Variants in LUC7L3 observed in about 807,000 individuals in gnomAD.
The protein encoded by LUC7L3 is luc7-like protein 3.
A neutral mutation model predicts 66.8 loss-of-function variants in LUC7L3; 6 were observed. That is an observed-to-expected ratio of 0.09 (90% CI 0.05 to 0.18). The LOEUF is 0.18. Among genes scored for constraint, LUC7L3 ranks in the 10% least tolerant of loss-of-function variants. The pLI is 1.00. For synonymous variants in LUC7L3, 160 were observed against 174.7 expected (o/e 0.92, Z 0.66); for missense variants, 341 against 531.1 (o/e 0.64, Z 3.52).
chr17:50,740,234 ACT>A (rs894371695), intron 2 of LUC7L3, 70 bp from the exon 3 acceptor site: 218 of 1,149,262 alleles, frequency 1.9e-4, no homozygotes, highest in Admixed American at 1.4e-3. Flanking sequence ...AAGAAAAATA[ACT>A]CTTTTTTTTT....
intron 1 of LUC7L3, among the ~76,000 whole-genome samples, chr17:50,731,814 C>T (rs1969620988): frequency 6.6e-6 from 1 of 152,114 alleles, no homozygotes. Flanking sequence ...CTGGTTAGCC[C>T]ACAGACAGGC....
chr17:50,721,762 G>T (rs1217974474), intron 1 of LUC7L3, among the ~76,000 whole-genome samples: 1 of 152,114 alleles, frequency 6.6e-6, no homozygotes, highest in Non-Finnish European at 1.5e-5. Context: ...GCAGGGATGG[G>T]CAAACCCATT....
chr17:50,746,637 G>T lies in LUC7L3; in HGVS notation c.1073G>T (p.Arg358Leu), dbSNP rs373348894. The T allele has an allele frequency of 3.7e-6, 6 of 1,613,960 alleles. No homozygotes were observed. Among genetic ancestry groups the T allele is most frequent in the Non-Finnish European group, 5.1e-6 (6 of 1,179,982 alleles). Residue 358 changes from arginine to leucine, a missense_variant, in exon 9 of 10, where the codon CGA (arginine) becomes CTA (leucine). Physicochemically the swap from Arg to Leu is moderately radical, Grantham distance 102. Coordinates refer to ENST00000505658, the MANE Select transcript of LUC7L3 (RefSeq NM_016424.5). ...RDRRRSKSRD[R>L]KSYKHRSKSR... ...CGAAGAAGATCAAAAAGCCGGGATCGAAAGTCATATAAGCACAGGAGCAAA... is the reference window on the plus strand; with the variant it reads ...CGAAGAAGATCAAAAAGCCGGGATCTAAAGTCATATAAGCACAGGAGCAAA...
chr17:50,749,999 CCTT>C (rs1477209923), intron 9 of LUC7L3, among the ~76,000 whole-genome samples: 1 of 152,104 alleles, frequency 6.6e-6, no homozygotes, highest in African/African-American at 2.4e-5. Context: ...TTAGGCTTAT[CCTT>C]CTTGGATATT....
At chr17:50,728,637 T>G (rs568373061) in intron 1 of LUC7L3, among the ~76,000 whole-genome samples, 2 of 152,260 alleles carry the variant, frequency 1.3e-5, no homozygotes, top group East Asian at 3.9e-4. Context: ...ACTGCAAACC[T>G]CCGCTTCCCA....
At chr17:50,724,371 A>G (rs559097774) in intron 1 of LUC7L3, 64 of 153,948 alleles carry the variant, frequency 4.2e-4, no homozygotes, top group Non-Finnish European at 7.9e-4. Flanking sequence ...AAATAAAAAA[A>G]TTAGCTGGGC....
chr17:50,736,290 C>G (rs1353190290), intron 1 of LUC7L3, among the ~76,000 whole-genome samples: 2 of 152,162 alleles, frequency 1.3e-5, no homozygotes, highest in Non-Finnish European at 2.9e-5. Context: ...GAAGGAGTTA[C>G]AAAAGTACCA....
intron 1 of LUC7L3, among the ~76,000 whole-genome samples, chr17:50,727,553 G>C (rs1371471359): frequency 6.6e-6 from 1 of 152,142 alleles, no homozygotes; most frequent in Non-Finnish European, 1.5e-5. Context: ...GCTGTATAGT[G>C]TACACAGGAA....
chr17:50,748,164 C>A (rs1372804936), intron 9 of LUC7L3, among the ~76,000 whole-genome samples: 2 of 152,160 alleles, frequency 1.3e-5, no homozygotes, highest in African/African-American at 2.4e-5. Flanking sequence ...AGCTAGCTAG[C>A]CTTCATAACT....
chr17:50,728,578 A>G (rs1969353093), intron 1 of LUC7L3, among the ~76,000 whole-genome samples: 1 of 152,088 alleles, frequency 6.6e-6, no homozygotes, highest in African/African-American at 2.4e-5. Context: ...TTGGAGACAG[A>G]GTCTTGATCT....
chr17:50,741,592 G>A (rs1290760054), intron 4 of LUC7L3, 65 bp from the exon 5 acceptor site: 2 of 948,616 alleles, frequency 2.1e-6, no homozygotes, highest in East Asian at 2.5e-5. Flanking sequence ...TGTATGGTAT[G>A]TGCAAGTTTG....
In LUC7L3 at chr17:50,753,982, G is replaced by GGA. The variant is rs939488560; in HGVS notation, c.*3328_*3329dup. The GGA allele has an allele frequency of 6.6e-6, 1 of 152,134 alleles. No homozygotes were observed. The highest frequency in any genetic ancestry group is 2.4e-5 in the African/African-American group (1 of 41,436). The allele number at this position is 152,134 out of a possible 1,614,324, so 9.4% of individuals were successfully genotyped here. A position where few individuals can be genotyped will look rare whatever the true frequency, so the allele number is the denominator to read the frequency against. ...ATGACTAAGGCCTGGCTTTAGTTAT[G>GGA]GAGAGAGACGTAGAAGTTGAATTTT... On this transcript the variant is annotated 3_prime_UTR_variant, in exon 10 of 10. Transcript: ENST00000505658.
chr17:50,750,863 T>A lies in LUC7L3; in HGVS notation c.*202T>A. ...GCAAAACATTTTGAGGTACATTGTTTTGTCTCAGCTATTTTGTAGCAGACT... is the reference window on the plus strand; with the variant it reads ...GCAAAACATTTTGAGGTACATTGTTATGTCTCAGCTATTTTGTAGCAGACT... On this transcript the variant is annotated 3_prime_UTR_variant, in exon 10 of 10. Coordinates refer to ENST00000505658, the MANE Select transcript of LUC7L3 (RefSeq NM_016424.5). 4 of 1,537,272 alleles carry A rather than the reference T, an allele frequency of 2.6e-6. No homozygotes were observed.
At chr17:50,720,604 G>C (rs368997061) in intron 1 of LUC7L3, among the ~76,000 whole-genome samples, 2 of 152,172 alleles carry the variant, frequency 1.3e-5, no homozygotes, top group Non-Finnish European at 1.5e-5. Context: ...CAAGTGTTTT[G>C]ATCTAGTTTT....
chr17:50,745,815 A>G lies in LUC7L3; in HGVS notation c.789A>G (p.Arg263=). The part of the protein sequence containing the change: ...EREEREKERE[R]EREERERKRR... ...AAGAAAGAGAAAAAGAACGGGAGAG[A>G]GAAAGGGAAGAAAGAGAAAGGAAAA... is the stretch of plus-strand genomic sequence containing the variant. The change falls in exon 8 of 10, where the codon AGA becomes AGG. Residue 263 remains arginine (R), a synonymous_variant. Coordinates refer to ENST00000505658, the MANE Select transcript of LUC7L3 (RefSeq NM_016424.5). 2 of 1,585,770 alleles carry G rather than the reference A, an allele frequency of 1.3e-6. No homozygotes were observed. Among genetic ancestry groups the G allele is most frequent in the South Asian group, 1.1e-5 (1 of 88,820 alleles).
At chr17:50,729,906 A>ATATATATATATT (rs2146708881) in intron 1 of LUC7L3, among the ~76,000 whole-genome samples, 1 of 14,488 alleles carries the variant, frequency 6.9e-5, no homozygotes, top group East Asian at 3.4e-3. Context: ...TTATATATAT[A>ATATATATATATT]TATATATATA....
At chr17:50,737,208 CATG>C (rs1306224716) in intron 2 of LUC7L3, 182 bp downstream of exon 2, 2 of 646,612 alleles carry the variant, frequency 3.1e-6, no homozygotes, top group East Asian at 2.8e-5. Flanking sequence ...TCTGATTAAA[CATG>C]GTGGCTTAAT....
At position 50,750,993 on chromosome 17, in the gene LUC7L3, CTTTTTT is replaced by C; in HGVS notation, c.*339_*344del. 1 of 1,076,892 alleles carries C rather than the reference CTTTTTT, an allele frequency of 9.3e-7. No individual in the cohort carries two copies. The highest frequency in any genetic ancestry group is 1.2e-6 in the Non-Finnish European group (1 of 819,984). 66.7% of individuals were successfully genotyped at this position (1,076,892 alleles called of 1,614,324 possible). ...TTTTTTAGGGATTTTGATGTCATTTCTTTTTTTTTTTTAATAAAAAGGTTGAACTGT... is the reference window on the plus strand; with the variant it reads ...TTTTTTAGGGATTTTGATGTCATTTCTTTTTTAATAAAAAGGTTGAACTGT... On this transcript the variant is annotated 3_prime_UTR_variant, in exon 10 of 10. Coordinates refer to ENST00000505658, the MANE Select transcript of LUC7L3 (RefSeq NM_016424.5).
intron 7 of LUC7L3, among the ~76,000 whole-genome samples, chr17:50,745,146 C>T (rs570780208): frequency 2.0e-5 from 3 of 152,088 alleles, no homozygotes; most frequent in Non-Finnish European, 4.4e-5. Flanking sequence ...CACACTACCA[C>T]GCCCGGCTGA....
Sources: allele counts gnomAD v4.1 joint callset (sites outside exome capture counted in the v4.1 genomes callset), GRCh38; gene constraint gnomAD v4.1.1; transcripts MANE v1.5; gene names NCBI Gene and HGNC (gene_info 2026-07-23, HGNC 2026-07-21).